The following FAT3 variants were observed in gnomAD, a reference collection of about 807,000 sequenced individuals.
FAT3 encodes the protein FAT atypical cadherin 3, also known as protocadherin Fat 3.
Under a neutral mutation model 310.2 loss-of-function variants are expected in FAT3, and 95 were observed. The observed-to-expected ratio is 0.31, with a 90% confidence interval of 0.26 to 0.36. FAT3 has a LOEUF of 0.36. Among genes scored for constraint, FAT3 ranks in the 10% least tolerant of loss-of-function variants. FAT3 has a pLI of 1.00. For missense variants in FAT3, 5,408 were observed against 5,715.6 expected (o/e 0.95, Z 1.74); for synonymous variants, 2,314 against 2,192.9 (o/e 1.06, Z -1.54).
intron 13 of FAT3, among the ~76,000 whole-genome samples, chr11:92,817,870 C>T (rs1947862904): frequency 6.6e-6 from 1 of 152,146 alleles, no homozygotes; most frequent in South Asian, 2.1e-4. Context: ...CCTTTTTTGT[C>T]TGCCACTTTT....
At chr11:92,695,607 A>G (rs1943914466) in intron 3 of FAT3, among the ~76,000 whole-genome samples, 1 of 152,200 alleles carries the variant, frequency 6.6e-6, no homozygotes, top group South Asian at 2.1e-4. Context: ...AAAACTGAAG[A>G]ATAGAATACA....
intron 1 of FAT3, among the ~76,000 whole-genome samples, chr11:92,319,140 G>T (rs1270477274): frequency 6.6e-6 from 1 of 152,148 alleles, no homozygotes; most frequent in Non-Finnish European, 1.5e-5. Context: ...AAGGCACTGG[G>T]CAATAAAATG....
At chr11:92,267,052 A>ACACTGCCTTGCTTGT (rs1554994849) in intron 1 of FAT3, among the ~76,000 whole-genome samples, 1 of 151,808 alleles carries the variant, frequency 6.6e-6, no homozygotes, top group African/African-American at 2.4e-5. Context: ...TGCCTGCCTG[A>ACACTGCCTTGCTTGT]CACTGCCTTG....
At chr11:92,379,842 C>T (rs908831037) in intron 2 of FAT3, among the ~76,000 whole-genome samples, 9 of 152,060 alleles carry the variant, frequency 5.9e-5, no homozygotes, top group African/African-American at 2.2e-4. Flanking sequence ...TTGGTTTCTT[C>T]ATTCTATCCA....
chr11:92,691,271 G>A (rs912335466), intron 3 of FAT3, among the ~76,000 whole-genome samples: 5 of 152,156 alleles, frequency 3.3e-5, no homozygotes, highest in Admixed American at 2.0e-4. Flanking sequence ...TGACAGAGCC[G>A]ATTCTGGTAC....
intron 4 of FAT3, among the ~76,000 whole-genome samples, chr11:92,714,129 CTG>C (rs1172113391): frequency 1.3e-5 from 2 of 152,140 alleles, no homozygotes; most frequent in East Asian, 3.9e-4. Context: ...TTTTTATAGA[CTG>C]TTTGTATTAT....
chr11:92,426,130 A>C (rs1950627449), intron 2 of FAT3, among the ~76,000 whole-genome samples: 1 of 152,164 alleles, frequency 6.6e-6, no homozygotes, highest in Non-Finnish European at 1.5e-5. Flanking sequence ...TTCTCTAATG[A>C]CCAGTGATGA....
intron 1 of FAT3, among the ~76,000 whole-genome samples, chr11:92,309,676 A>C (rs1424705805): frequency 6.6e-6 from 1 of 152,144 alleles, no homozygotes; most frequent in African/African-American, 2.4e-5. Context: ...CTGGTATCTC[A>C]GACAGTGAAT....
chr11:92,433,879 G>A (rs764580738), intron 2 of FAT3, among the ~76,000 whole-genome samples: 24 of 151,962 alleles, frequency 1.6e-4, no homozygotes, highest in Non-Finnish European at 2.8e-4. Context: ...AGCTGGATGT[G>A]GTAGTGGGCA....
rs532398682 is a variant in FAT3, at chr11:92,522,843, C to A, written c.3293-1791C>A. 1.3e-4 allele frequency among the ~76,000 whole-genome samples: 20 copies of A among 152,202 alleles called. No individual in the cohort carries two copies. The South Asian group carries it at 3.9e-3, about 30-fold the overall frequency. On this transcript the variant is annotated intron_variant, in intron 2 of 27. Transcript: ENST00000525166. ...AGAATGTATGTTGCATGTATGTTTG[C>A]CCACTGCGAATATGGTCTTCTCATA...
chr11:92,349,372 C>T (rs1309113146), intron 1 of FAT3, among the ~76,000 whole-genome samples: 1 of 152,116 alleles, frequency 6.6e-6, no homozygotes, highest in East Asian at 1.9e-4. Context: ...GAAATAGAGA[C>T]TCCTGAGGCA....
chr11:92,320,659 G>A (rs528148945), intron 1 of FAT3, among the ~76,000 whole-genome samples: 2 of 152,062 alleles, frequency 1.3e-5, no homozygotes, highest in East Asian at 3.9e-4. Context: ...CCTGAGGTCA[G>A]GAGTTTGAGA....
chr11:92,541,233 C>A (rs1954438737), intron 3 of FAT3, among the ~76,000 whole-genome samples: 1 of 152,064 alleles, frequency 6.6e-6, no homozygotes, highest in African/African-American at 2.4e-5. Flanking sequence ...CATGTGTGTA[C>A]TTTATACTCA....
At chr11:92,268,746 TAA>T (rs1241738644) in intron 1 of FAT3, among the ~76,000 whole-genome samples, 7 of 152,178 alleles carry the variant, frequency 4.6e-5, no homozygotes, top group Non-Finnish European at 1.0e-4. Context: ...GACTAAAATA[TAA>T]GTTACCATTG....
chr11:92,863,418 G>T (rs1254948242), intron 21 of FAT3, among the ~76,000 whole-genome samples: 2 of 152,144 alleles, frequency 1.3e-5, no homozygotes, highest in African/African-American at 2.4e-5. Context: ...TCCTGCAAAA[G>T]TAGGACTTCT....
intron 19 of FAT3, among the ~76,000 whole-genome samples, chr11:92,849,935 C>T (rs1948779091): frequency 6.6e-6 from 1 of 152,138 alleles, no homozygotes; most frequent in Non-Finnish European, 1.5e-5. Flanking sequence ...GAAGTCAGGA[C>T]AGTCCTTCGG....
intron 22 of FAT3, among the ~76,000 whole-genome samples, chr11:92,876,190 T>C (rs1317542949): frequency 1.3e-5 from 2 of 152,162 alleles, no homozygotes; most frequent in African/African-American, 4.8e-5. Context: ...CTCCCCATCA[T>C]TGATGTGCTT....
chr11:92,365,948 T>C (rs1024108406), intron 2 of FAT3, among the ~76,000 whole-genome samples: 2 of 152,226 alleles, frequency 1.3e-5, no homozygotes, highest in Non-Finnish European at 2.9e-5. Flanking sequence ...TAAAAGTAAA[T>C]GTAACACATA....
intron 2 of FAT3, among the ~76,000 whole-genome samples, chr11:92,415,976 G>C (rs1950401003): frequency 7.0e-6 from 1 of 142,632 alleles, no homozygotes; most frequent in African/African-American, 2.7e-5. Flanking sequence ...CTACAAGCAA[G>C]TGCCACCATG....
Sources: allele counts gnomAD v4.1 joint callset (sites outside exome capture counted in the v4.1 genomes callset), GRCh38; gene constraint gnomAD v4.1.1; transcripts MANE v1.5; gene names NCBI Gene and HGNC (gene_info 2026-07-23, HGNC 2026-07-21).